The following PVT1 variants were observed in gnomAD, a reference collection of about 807,000 sequenced individuals.
PVT1 encodes Pvt1 oncogene, also known as CXCR4/PVT1 fusion.
chr8:127,904,536 G>A (rs753780294), intron 3 of PVT1, among the ~76,000 whole-genome samples: 1 of 152,096 alleles, frequency 6.6e-6, no homozygotes, highest in Non-Finnish European at 1.5e-5. Context: ...CTCTGGCCTC[G>A]TTATACCTGC....
chr8:127,868,768 A>AAC (rs1815312553), intron 2 of PVT1, among the ~76,000 whole-genome samples: 1 of 408 alleles, frequency 2.5e-3, no homozygotes, highest in Non-Finnish European at 6.8e-3. Context: ...CCTTCCTTTT[A>AAC]ACATATATAT....
At chr8:127,899,752 A>G (rs532958128) in intron 3 of PVT1, among the ~76,000 whole-genome samples, 9 of 152,062 alleles carry the variant, frequency 5.9e-5, no homozygotes, top group Non-Finnish European at 1.2e-4. Context: ...TGGAGACCTC[A>G]TGATCTGGTG....
intron 3 of PVT1, among the ~76,000 whole-genome samples, chr8:127,984,428 T>C (rs1816920603): frequency 6.6e-6 from 1 of 152,226 alleles, no homozygotes; most frequent in African/African-American, 2.4e-5. Context: ...AAATCCAGAC[T>C]ATCTGTCCTG....
intron 4 of PVT1, among the ~76,000 whole-genome samples, chr8:128,066,320 A>T (rs1468233971): frequency 6.6e-6 from 1 of 152,192 alleles, no homozygotes; most frequent in Non-Finnish European, 1.5e-5. Flanking sequence ...TCCAGAGGTC[A>T]TTCTCTCTTC....
chr8:128,069,278 C>T (rs947153627), intron 4 of PVT1, among the ~76,000 whole-genome samples: 1 of 152,154 alleles, frequency 6.6e-6, no homozygotes, highest in African/African-American at 2.4e-5. Context: ...TCTTTCATCT[C>T]ATCTCTTCTC....
At chr8:128,092,536 C>T (rs1356895897) in intron 5 of PVT1, among the ~76,000 whole-genome samples, 1 of 152,216 alleles carries the variant, frequency 6.6e-6, no homozygotes, top group Non-Finnish European at 1.5e-5. Context: ...TACGTCATGC[C>T]CTGAAGCGTT....
intron 2 of PVT1, among the ~76,000 whole-genome samples, chr8:127,797,329 T>G (rs568430808): frequency 6.6e-6 from 1 of 152,270 alleles, no homozygotes; most frequent in South Asian, 2.1e-4. Flanking sequence ...TACCCGGCCT[T>G]GTTTTGCTTT....
intron 2 of PVT1, among the ~76,000 whole-genome samples, chr8:127,824,549 A>G (rs1197826652): frequency 6.6e-6 from 1 of 152,232 alleles, no homozygotes; most frequent in East Asian, 1.9e-4. Context: ...TTCTTTGTAG[A>G]AAATGTGGGA....
At chr8:128,057,739 G>A (rs72720893) in intron 4 of PVT1, among the ~76,000 whole-genome samples, 4,749 of 152,216 alleles carry the variant, frequency 0.031, 126 homozygotes, top group Middle Eastern at 0.061. Flanking sequence ...CTTGTAGAAC[G>A]AGGTTCGGAT....
At chr8:127,799,302 T>C (rs1221377283) in intron 2 of PVT1, among the ~76,000 whole-genome samples, 1 of 152,176 alleles carries the variant, frequency 6.6e-6, no homozygotes, top group Non-Finnish European at 1.5e-5. Context: ...CTTATGCCTA[T>C]AATTTTTGCA....
At position 128,030,429 on chromosome 8, in the gene PVT1, T is replaced by C. The variant is rs144986398; in HGVS notation, n.913-39731T>C. ...TAATGTAAGTTGAATTTTTTTTCTGTTAGGGAATTTTTCTGCAGGAAAATA... is the reference window on the plus strand; with the variant it reads ...TAATGTAAGTTGAATTTTTTTTCTGCTAGGGAATTTTTCTGCAGGAAAATA... On this transcript the variant is annotated intron_variant and non_coding_transcript_variant, in intron 4 of 10. Coordinates refer to ENST00000651587, the Ensembl canonical transcript of PVT1. Among the ~76,000 whole-genome samples the C allele has an allele frequency of 3.3e-5, 5 of 152,306 alleles. No individual in the cohort carries two copies. In the East Asian group the frequency reaches 9.6e-4, roughly 29 times the overall value.
At chr8:128,063,528 A>C (rs1813858596) in intron 4 of PVT1, among the ~76,000 whole-genome samples, 1 of 151,882 alleles carries the variant, frequency 6.6e-6, no homozygotes, top group Admixed American at 6.6e-5. Flanking sequence ...TAAATAAATA[A>C]ATTTTGAGAT....
chr8:127,947,439 C>T (rs1816435377), intron 3 of PVT1: 1 of 303,720 alleles, frequency 3.3e-6, no homozygotes, highest in South Asian at 3.2e-5. Flanking sequence ...GACCTGTGGT[C>T]TGTCCTTTGT....
chr8:127,905,647 A>G (rs1444123176), intron 3 of PVT1, among the ~76,000 whole-genome samples: 7 of 151,972 alleles, frequency 4.6e-5, no homozygotes, highest in Admixed American at 1.3e-4. Flanking sequence ...TTTTTTGAGT[A>G]TATATAATTG....
At chr8:127,801,578 G>T (rs1033713838) in intron 2 of PVT1, among the ~76,000 whole-genome samples, 3 of 152,130 alleles carry the variant, frequency 2.0e-5, no homozygotes, top group Admixed American at 6.5e-5. Context: ...AATTTGATCT[G>T]ACTTGGCTTT....
chr8:127,835,955 A>T (rs1311439221), intron 2 of PVT1, among the ~76,000 whole-genome samples: 1 of 151,908 alleles, frequency 6.6e-6, no homozygotes, highest in East Asian at 1.9e-4. Flanking sequence ...GTTCCCTGAC[A>T]CCCTTCCCTG....
chr8:127,823,455 A>G (rs890049422), intron 2 of PVT1, among the ~76,000 whole-genome samples: 1 of 152,370 alleles, frequency 6.6e-6, no homozygotes, highest in Middle Eastern at 3.4e-3. Flanking sequence ...TCAAATGGGT[A>G]AGGCTTTTAT....
At position 127,921,854 on chromosome 8, in the gene PVT1, GTTT is replaced by G. The variant is rs71300279; in HGVS notation, n.782+30878_782+30880del. 7.5e-3 allele frequency among the ~76,000 whole-genome samples: 540 copies of G among 71,912 alleles called. 3 individuals are homozygous for G. Among genetic ancestry groups the G allele is most frequent in the African/African-American group, 0.016 (267 of 16,500 alleles). The allele number at this position is 71,912 out of a possible 152,430, so 47.2% of individuals were successfully genotyped here. On this transcript the variant is annotated intron_variant and non_coding_transcript_variant, in intron 3 of 10. Transcript: ENST00000651587. ...AAAAAAATTATAATTTTTGGTTCAT[GTTT>G]TTTTTTTTTTTTTTTTTTTTTGAGG...
At chr8:127,803,723 G>GC (rs1814496000) in intron 2 of PVT1, among the ~76,000 whole-genome samples, 1 of 141,886 alleles carries the variant, frequency 7.0e-6, no homozygotes, top group South Asian at 2.3e-4. Context: ...TGTCTCTACA[G>GC]TTTTTTTTTT....
Sources: gnomAD v4.1 joint callset for allele counts (sites outside exome capture counted in the v4.1 genomes callset) on GRCh38, gnomAD v4.1.1 for gene constraint, MANE v1.5 for transcripts, NCBI Gene and HGNC (gene_info 2026-07-23, HGNC 2026-07-21) for gene names.